Variants in FOXP1 observed in about 807,000 individuals in gnomAD.
FOXP1 encodes forkhead box protein P1.
Under a neutral mutation model 98.2 loss-of-function variants are expected in FOXP1, and 15 were observed. The observed-to-expected ratio is 0.15, with a 90% CI of 0.10 to 0.24. FOXP1 has a LOEUF of 0.24. FOXP1 is among the 10% of genes least tolerant of loss of function. The pLI is 1.00. For synonymous variants in FOXP1, 371 were observed against 314.5 expected (o/e 1.18, Z -1.90); for missense variants, 633 against 848.5 (o/e 0.75, Z 3.15).
intron 2 of FOXP1, among the ~76,000 whole-genome samples, chr3:71,518,455 A>C (rs534689087): frequency 1.3e-3 from 196 of 152,364 alleles, no homozygotes; most frequent in African/African-American, 4.4e-3. Context: ...TAATTCCAAA[A>C]GACAGCATAA....
At chr3:71,119,539 G>T (rs1265538011) in intron 6 of FOXP1, among the ~76,000 whole-genome samples, 1 of 152,182 alleles carries the variant, frequency 6.6e-6, no homozygotes, top group Non-Finnish European at 1.5e-5. Context: ...AGGAACATTA[G>T]TAGGAAAGGA....
At chr3:71,015,899 G>C (rs1383945639) in intron 11 of FOXP1, among the ~76,000 whole-genome samples, 2 of 152,198 alleles carry the variant, frequency 1.3e-5, no homozygotes, top group Non-Finnish European at 2.9e-5. Flanking sequence ...AAAAGTGTTT[G>C]ACAGGCTTTT....
At chr3:71,172,529 T>G (rs1247145172) in intron 6 of FOXP1, among the ~76,000 whole-genome samples, 1 of 152,172 alleles carries the variant, frequency 6.6e-6, no homozygotes, top group Non-Finnish European at 1.5e-5. Flanking sequence ...CTAATACTCC[T>G]CTGAGGTGTG....
At chr3:71,280,216 T>G (rs1012574634) in intron 5 of FOXP1, among the ~76,000 whole-genome samples, 1 of 151,914 alleles carries the variant, frequency 6.6e-6, no homozygotes, top group Non-Finnish European at 1.5e-5. Context: ...TAAAATGAAG[T>G]GAATGAATCA....
chr3:71,579,074 T>A (rs762454509), intron 2 of FOXP1, among the ~76,000 whole-genome samples: 14 of 152,226 alleles, frequency 9.2e-5, no homozygotes, highest in Non-Finnish European at 1.6e-4. Flanking sequence ...TTACAAAAAA[T>A]ATATAAACTG....
At chr3:71,428,564 G>A (rs1478183818) in intron 3 of FOXP1, among the ~76,000 whole-genome samples, 3 of 152,214 alleles carry the variant, frequency 2.0e-5, no homozygotes, top group Admixed American at 6.5e-5. Flanking sequence ...TTGTTCAGAG[G>A]CCTGCCTTCT....
intron 3 of FOXP1, among the ~76,000 whole-genome samples, chr3:71,452,986 AC>A (rs1178406170): frequency 3.3e-5 from 5 of 152,166 alleles, no homozygotes; most frequent in Admixed American, 2.6e-4. Flanking sequence ...GGCAGCAACA[AC>A]AGCTCCCTTT....
intron 12 of FOXP1, among the ~76,000 whole-genome samples, chr3:71,008,387 T>C (rs1345140130): frequency 1.3e-5 from 2 of 151,970 alleles, no homozygotes; most frequent in Non-Finnish European, 2.9e-5. Context: ...AGGACTCAAG[T>C]GGGGAGAAGA....
intron 2 of FOXP1, among the ~76,000 whole-genome samples, chr3:71,573,002 A>C (rs1185765422): frequency 6.6e-6 from 1 of 152,240 alleles, no homozygotes; most frequent in Non-Finnish European, 1.5e-5. Context: ...TAATTCGGAC[A>C]CTGGTTACAA....
intron 11 of FOXP1, chr3:71,040,326 C>G (rs1203249060): frequency 6.6e-6 from 1 of 152,114 alleles, no homozygotes; most frequent in Admixed American, 6.5e-5. Flanking sequence ...ACAGAATTTG[C>G]TTTCTCCTGA....
At chr3:71,405,207 T>A (rs1194332661) in intron 3 of FOXP1, among the ~76,000 whole-genome samples, 2 of 152,164 alleles carry the variant, frequency 1.3e-5, no homozygotes, top group Non-Finnish European at 2.9e-5. Flanking sequence ...TCTGTGCAAC[T>A]ATGGAAGAGT....
chr3:71,559,114 C>T (rs1426709510), intron 2 of FOXP1, among the ~76,000 whole-genome samples: 5 of 152,210 alleles, frequency 3.3e-5, no homozygotes, highest in Non-Finnish European at 5.9e-5. Flanking sequence ...GCCAGCTTCT[C>T]TCTTCCTCTG....
intron 2 of FOXP1, among the ~76,000 whole-genome samples, chr3:71,517,402 T>G (rs1232193187): frequency 6.6e-6 from 1 of 152,228 alleles, no homozygotes; most frequent in East Asian, 1.9e-4. Flanking sequence ...AGGGGTTTCT[T>G]GGATTTAGCA....
chr3:71,223,072 T>G (rs934932388), intron 5 of FOXP1, among the ~76,000 whole-genome samples: 2 of 152,196 alleles, frequency 1.3e-5, no homozygotes, highest in Admixed American at 1.3e-4. Context: ...AACCTTCAGC[T>G]GAACCACAAA....
At chr3:71,532,726 A>C (rs1459030520) in intron 2 of FOXP1, among the ~76,000 whole-genome samples, 1 of 152,166 alleles carries the variant, frequency 6.6e-6, no homozygotes, top group African/African-American at 2.4e-5. Context: ...CAGGAAAAGC[A>C]AAGGGAAGCT....
At chr3:71,336,786 C>T (rs983009311) in intron 4 of FOXP1, among the ~76,000 whole-genome samples, 1 of 152,190 alleles carries the variant, frequency 6.6e-6, no homozygotes, top group African/African-American at 2.4e-5. Flanking sequence ...ATATCCCTCA[C>T]AAATGAAAGA....
chr3:71,402,711 T>A (rs2082031115), intron 3 of FOXP1, among the ~76,000 whole-genome samples: 1 of 152,222 alleles, frequency 6.6e-6, no homozygotes, highest in Non-Finnish European at 1.5e-5. Flanking sequence ...ATAAATGGAA[T>A]GGAACGGGTA....
chr3:71,209,588 G>T (rs2064302608), intron 5 of FOXP1, among the ~76,000 whole-genome samples: 1 of 152,156 alleles, frequency 6.6e-6, no homozygotes, highest in Admixed American at 6.5e-5. Context: ...GGTTCATTCT[G>T]TCAGCTTATC....
At position 71,376,697 on chromosome 3, in the gene FOXP1, C is replaced by A. The variant is rs183632221; in HGVS notation, c.-167-17453G>T. ...ATTTTCCACTTTACATAAATCAGTT[C>A]TTTGTTTAACTTCCTCTTAGCCTTT... On this transcript the variant is annotated intron_variant, in intron 3 of 20. Coordinates refer to ENST00000649528, the MANE Select transcript of FOXP1 (RefSeq NM_001349338.3). Among the ~76,000 whole-genome samples the A allele has an allele frequency of 2.0e-5, 3 of 152,302 alleles. No homozygotes were observed. In the East Asian group the frequency reaches 5.8e-4, roughly 29 times the overall value.
Sources: allele counts gnomAD v4.1 joint callset (sites outside exome capture counted in the v4.1 genomes callset), GRCh38; gene constraint gnomAD v4.1.1; transcripts MANE v1.5; gene names NCBI Gene and HGNC (gene_info 2026-07-23, HGNC 2026-07-21).